Variants in NDUFAF6 observed in about 807,000 individuals in gnomAD.
NDUFAF6 encodes the protein NADH dehydrogenase (ubiquinone) complex I, assembly factor 6.
Under a neutral mutation model 40.8 loss-of-function variants are expected in NDUFAF6, and 45 were observed. The ratio of observed to expected loss-of-function variants is 1.10; its 90% CI spans 0.87 to 1.42. NDUFAF6 has a LOEUF of 1.42. Among genes scored for constraint, NDUFAF6 ranks in the 40% most tolerant of loss-of-function variants. The pLI is 0.00. For missense variants in NDUFAF6, 435 were observed against 418.5 expected (o/e 1.04, Z -0.34); for synonymous variants, 185 against 155.9 (o/e 1.19, Z -1.39).
intron 2 of NDUFAF6, among the ~76,000 whole-genome samples, chr8:94,994,787 A>G (rs1008002287): frequency 1.3e-5 from 2 of 152,168 alleles, no homozygotes; most frequent in African/African-American, 4.8e-5. Flanking sequence ...GAACTATCAT[A>G]TGCCATTGCA....
At chr8:95,068,414 A>G (rs1326125550) in intron 9 of NDUFAF6, 3 of 151,908 alleles carry the variant, frequency 2.0e-5, no homozygotes, top group Non-Finnish European at 4.4e-5. Context: ...GGTATGCTGA[A>G]TCCCCCACTA....
At chr8:94,931,390 C>A (rs1169026427) in intron 1 of NDUFAF6, among the ~76,000 whole-genome samples, 1 of 151,964 alleles carries the variant, frequency 6.6e-6, no homozygotes, top group African/African-American at 2.4e-5. Flanking sequence ...ATATAAGACT[C>A]TTGAATAACA....
At chr8:94,923,074 A>G (rs1467961608) in intron 1 of NDUFAF6, among the ~76,000 whole-genome samples, 1 of 152,208 alleles carries the variant, frequency 6.6e-6, no homozygotes, top group Non-Finnish European at 1.5e-5. Flanking sequence ...TGTCGGAAAG[A>G]GAAACGATTG....
rs145770124 is a variant in NDUFAF6, at chr8:95,047,324, A to G, written c.714+197A>G. Reference sequence around the variant, plus strand: ...TCCATCAGGCATTTTAGGTCTCTGGAGGAGCAATGAGTAGGAAGGTCTAGA... The same window carrying G: ...TCCATCAGGCATTTTAGGTCTCTGGGGGAGCAATGAGTAGGAAGGTCTAGA... On this transcript the variant is annotated intron_variant, in intron 6 of 8. Transcript: ENST00000396124. 9.9e-3 allele frequency among the ~76,000 whole-genome samples: 1,501 copies of G among 152,254 alleles called. 17 individuals are homozygous for G. Among genetic ancestry groups the G allele is most frequent in the Non-Finnish European group, 0.012 (795 of 68,014 alleles).
intron 9 of NDUFAF6, among the ~76,000 whole-genome samples, chr8:95,064,038 ATTTTTTTT>A (rs1160777112): frequency 0.01 from 1,059 of 104,806 alleles, 10 homozygotes; most frequent in African/African-American, 0.034. Context: ...CGCCTGGCTA[ATTTTTTTT>A]TTTTTTTTTT....
chr8:94,898,810 T>G (rs1281105384), intron 1 of NDUFAF6, among the ~76,000 whole-genome samples: 1 of 152,232 alleles, frequency 6.6e-6, no homozygotes, highest in Admixed American at 6.5e-5. Context: ...CAGTATGCAC[T>G]CATGGATATT....
chr8:95,025,119 C>G lies in NDUFAF6; in HGVS notation c.111C>G (p.Pro37=). The change falls in exon 1 of 9, where the codon CCC becomes CCG. Residue 37 remains proline, a synonymous_variant. Coordinates refer to ENST00000396124, the MANE Select transcript of NDUFAF6 (RefSeq NM_152416.4). The part of the protein sequence containing the change: ...LGLYARMRRL[P]GPEVSGRSVA... ...TGTACGCGCGCATGCGGCGGCTGCC[C>G]GGGCCGGAGGTGTCTGGGCGGAGCG... is the stretch of plus-strand genomic sequence containing the variant. The G allele has an allele frequency of 6.8e-7, 1 of 1,480,064 alleles. No individual in the cohort carries two copies. Among genetic ancestry groups the G allele is most frequent in the Non-Finnish European group, 8.9e-7 (1 of 1,124,974 alleles). The allele number at this position is 1,480,064 out of a possible 1,614,324, so 91.7% of individuals were successfully genotyped here. A position where few individuals can be genotyped will look rare whatever the true frequency, so the allele number is the denominator to read the frequency against.
chr8:94,932,250 A>G lies in NDUFAF6; in HGVS notation c.-935-13233A>G, dbSNP rs998608615. ...GGCACGTACATGTGCTTAAGATAACATGTAAAACCTTCAAAAACAATACTT... is the reference window on the plus strand; with the variant it reads ...GGCACGTACATGTGCTTAAGATAACGTGTAAAACCTTCAAAAACAATACTT... On this transcript the variant is annotated intron_variant, in intron 1 of 14. Transcript: ENST00000396113. 8 of 811,170 alleles carry G rather than the reference A, an allele frequency of 9.9e-6. 1 individual carries two copies. Among genetic ancestry groups the G allele is most frequent in the East Asian group, 2.7e-5 (1 of 36,946 alleles). The allele number at this position is 811,170 out of a possible 1,614,324, so 50.2% of individuals were successfully genotyped here. A position where few individuals can be genotyped will look rare whatever the true frequency, so the allele number is the denominator to read the frequency against.
At chr8:94,982,161 G>A (rs1433002355) in intron 2 of NDUFAF6, among the ~76,000 whole-genome samples, 11 of 152,022 alleles carry the variant, frequency 7.2e-5, no homozygotes, top group Non-Finnish European at 4.4e-5. Flanking sequence ...GAACCCAGGA[G>A]GCAGAGCTTG....
At chr8:95,035,127 C>T (rs1262253628) in intron 2 of NDUFAF6, among the ~76,000 whole-genome samples, 3 of 152,102 alleles carry the variant, frequency 2.0e-5, no homozygotes, top group Non-Finnish European at 4.4e-5. Context: ...GTGATCCACC[C>T]TCCTTGGCCT....
chr8:95,071,403 GAAAA>G (rs10583999), intron 9 of NDUFAF6, among the ~76,000 whole-genome samples: 4 of 105,512 alleles, frequency 3.8e-5, no homozygotes, highest in Admixed American at 2.1e-4. Context: ...GTCTCCAAAA[GAAAA>G]AAAAAAAAAA....
At chr8:95,091,449 A>G (rs373716570) in intron 2 of NDUFAF6, among the ~76,000 whole-genome samples, 1 of 152,210 alleles carries the variant, frequency 6.6e-6, no homozygotes, top group East Asian at 1.9e-4. Flanking sequence ...CCCTAGAGAC[A>G]TGGGGATTAT....
chr8:94,921,863 C>T (rs1457684206), intron 1 of NDUFAF6, among the ~76,000 whole-genome samples: 1 of 152,148 alleles, frequency 6.6e-6, no homozygotes, highest in Non-Finnish European at 1.5e-5. Flanking sequence ...TGGTTTAGGG[C>T]AATGGTCTCA....
chr8:94,902,055 GA>G (rs201148407), intron 1 of NDUFAF6, among the ~76,000 whole-genome samples: 6 of 144,846 alleles, frequency 4.1e-5, no homozygotes, highest in Non-Finnish European at 7.6e-5. Flanking sequence ...ATTTCAAAAA[GA>G]AAAAAAAAAG....
At chr8:94,951,173 C>CT (rs1360460811) in intron 2 of NDUFAF6, 2 of 152,206 alleles carry the variant, frequency 1.3e-5, no homozygotes, top group Non-Finnish European at 2.9e-5. Flanking sequence ...AGAGACCACC[C>CT]TGCTAGCCAC....
intron 2 of NDUFAF6, among the ~76,000 whole-genome samples, chr8:95,005,015 C>T (rs1323108075): frequency 2.0e-5 from 3 of 152,056 alleles, no homozygotes; most frequent in Non-Finnish European, 4.4e-5. Context: ...TAATTAAAGT[C>T]GGTAATAATA....
chr8:94,957,210 G>A (rs1312244749), upstream of NDUFAF6, among the ~76,000 whole-genome samples: 4 of 151,970 alleles, frequency 2.6e-5, no homozygotes, highest in African/African-American at 9.7e-5. Context: ...AAAGGATGAG[G>A]GACACAAACT....
chr8:94,976,500 T>C (rs1824952385), intron 1 of NDUFAF6, among the ~76,000 whole-genome samples: 2 of 48,016 alleles, frequency 4.2e-5, no homozygotes, highest in East Asian at 7.3e-4. Flanking sequence ...ACACTCCATC[T>C]CAAAAAAAAA....
chr8:95,035,684 A>G, intron 3 of NDUFAF6, 108 bp downstream of exon 3: 1 of 1,126,906 alleles, frequency 8.9e-7, no homozygotes, highest in East Asian at 2.6e-5. Context: ...TATTCTGAAA[A>G]TATTCTTAGG....
Sources: allele counts gnomAD v4.1 joint callset (sites outside exome capture counted in the v4.1 genomes callset), GRCh38; gene constraint gnomAD v4.1.1; transcripts MANE v1.5; gene names NCBI Gene and HGNC (gene_info 2026-07-23, HGNC 2026-07-21).